The following MTAP variants were observed in gnomAD, a reference collection of about 807,000 sequenced individuals.
The protein encoded by MTAP is methylthioadenosine phosphorylase.
In MTAP, 33 loss-of-function variants were observed where a neutral mutation model predicts 33.6. The ratio of observed to expected loss-of-function variants is 0.98; its 90% CI spans 0.74 to 1.31. The LOEUF is 1.31. Among genes scored for constraint, MTAP ranks in the 40% most tolerant of loss-of-function variants. The pLI, the probability that MTAP is intolerant of heterozygous loss-of-function variation, is 0.00. For missense variants in MTAP, 367 were observed against 360.0 expected, an observed-to-expected ratio of 1.02 and a Z score of -0.16; for synonymous variants, 148 against 125.7, an observed-to-expected ratio of 1.18 and a Z score of -1.19.
chr9:21,940,113 C>A (rs763008820), downstream of MTAP, among the ~76,000 whole-genome samples: 1 of 152,072 alleles, frequency 6.6e-6, no homozygotes, highest in African/African-American at 2.4e-5. Context: ...CCTTAAGGAC[C>A]CTTAAGGAGA....
intron 1 of MTAP, among the ~76,000 whole-genome samples, chr9:21,812,990 C>T (rs1197430144): frequency 6.6e-6 from 1 of 152,216 alleles, no homozygotes; most frequent in Non-Finnish European, 1.5e-5. Context: ...TAAGGTAAGG[C>T]CACTGAAGCA....
chr9:21,825,935 T>C (rs545398465), intron 4 of MTAP, among the ~76,000 whole-genome samples: 1 of 145,632 alleles, frequency 6.9e-6, no homozygotes, highest in African/African-American at 2.7e-5. Context: ...CATTTATGTG[T>C]CTTCTTTTGA....
intron 4 of MTAP, 21 bp from the exon 5 acceptor site, chr9:21,837,887 C>G (rs753897605): frequency 1.9e-6 from 3 of 1,597,770 alleles, no homozygotes; most frequent in Middle Eastern, 1.7e-4. Context: ...AAACAAAAAC[C>G]TTTTTTGCTT....
intron 4 of MTAP, among the ~76,000 whole-genome samples, chr9:21,831,884 G>A (rs190636364): frequency 4.4e-3 from 670 of 152,118 alleles, no homozygotes; most frequent in South Asian, 6.7e-3. Flanking sequence ...ATAAAATGTG[G>A]CTAATAACAT....
At chr9:21,894,668 C>T (rs1420492413) in intron 1 of MTAP, among the ~76,000 whole-genome samples, 3 of 151,694 alleles carry the variant, frequency 2.0e-5, no homozygotes, top group Non-Finnish European at 4.4e-5. Context: ...ATGGGTGCAG[C>T]ACACCAATAT....
intron 1 of MTAP, chr9:21,929,902 C>G (rs970299017): frequency 2.7e-6 from 1 of 372,922 alleles, no homozygotes; most frequent in Non-Finnish European, 5.3e-6. Flanking sequence ...ATGTTACTCT[C>G]TCTGTAGATT....
intron 5 of MTAP, among the ~76,000 whole-genome samples, chr9:21,838,836 C>T (rs563505579): frequency 2.0e-5 from 3 of 152,280 alleles, no homozygotes; most frequent in East Asian, 1.9e-4. Context: ...TCAGAAGTAT[C>T]GTTAGAGATT....
intron 1 of MTAP, among the ~76,000 whole-genome samples, chr9:21,807,180 TAAC>T (rs1195918288): frequency 6.6e-6 from 1 of 152,076 alleles, no homozygotes; most frequent in Non-Finnish European, 1.5e-5. Context: ...ATAATAATAA[TAAC>T]AACAACTTGT....
At chr9:21,823,695 C>G (rs934281176) in intron 4 of MTAP, among the ~76,000 whole-genome samples, 6 of 152,172 alleles carry the variant, frequency 3.9e-5, no homozygotes, top group Admixed American at 1.3e-4. Context: ...TGGATAATAT[C>G]CTGCAGACTG....
At chr9:21,874,554 G>A (rs34452617) in intron 1 of MTAP, among the ~76,000 whole-genome samples, 9,725 of 152,122 alleles carry the variant, frequency 0.064, 440 homozygotes, top group South Asian at 0.2. Flanking sequence ...CAGAGACTTT[G>A]ATTGGTTGTT....
chr9:21,844,148 G>C (rs1398301223), intron 5 of MTAP, among the ~76,000 whole-genome samples: 1 of 151,964 alleles, frequency 6.6e-6, no homozygotes, highest in Non-Finnish European at 1.5e-5. Context: ...GTAAATTCTT[G>C]GAAATATACC....
At chr9:21,885,984 G>C (rs116434385) in intron 1 of MTAP, among the ~76,000 whole-genome samples, 2,244 of 152,036 alleles carry the variant, frequency 0.015, 56 homozygotes, top group African/African-American at 0.05. Flanking sequence ...CCCAGTCATG[G>C]GATTGCTGGA....
intron 1 of MTAP, among the ~76,000 whole-genome samples, chr9:21,812,779 G>T (rs577452861): frequency 1.3e-5 from 2 of 152,302 alleles, no homozygotes; most frequent in African/African-American, 2.4e-5. Context: ...TTCTAATAAG[G>T]TATAATGTTA....
At chr9:21,931,847 A>G (rs1271288964), downstream of MTAP, 1 of 152,042 alleles carries the variant, frequency 6.6e-6, no homozygotes, top group Non-Finnish European at 1.5e-5. Flanking sequence ...TCAGTCTTTC[A>G]CTCTGCCTTA....
chr9:21,823,014 A>G (rs1452161719), intron 4 of MTAP, among the ~76,000 whole-genome samples: 1 of 152,104 alleles, frequency 6.6e-6, no homozygotes, highest in Non-Finnish European at 1.5e-5. Flanking sequence ...TTTTGAGCCT[A>G]TGTGTGTCTC....
chr9:21,929,263 T>C (rs765113441), intron 1 of MTAP, among the ~76,000 whole-genome samples: 14 of 152,302 alleles, frequency 9.2e-5, no homozygotes, highest in Admixed American at 7.8e-4. Context: ...ATTCCTCTTT[T>C]AGTGAAAACA....
At chr9:21,902,319 A>G (rs1427966176) in intron 1 of MTAP, among the ~76,000 whole-genome samples, 4 of 152,210 alleles carry the variant, frequency 2.6e-5, no homozygotes. Flanking sequence ...CCCATCTGGT[A>G]GCATTTAGTT....
intron 1 of MTAP, among the ~76,000 whole-genome samples, chr9:21,912,819 C>A (rs1254330096): frequency 6.6e-5 from 10 of 152,114 alleles, no homozygotes; most frequent in Non-Finnish European, 1.5e-4. Context: ...AGGGTATTCA[C>A]TTAGGAAAAG....
At chr9:21,926,473 T>A (rs1818871045) in intron 1 of MTAP, among the ~76,000 whole-genome samples, 1 of 152,214 alleles carries the variant, frequency 6.6e-6, no homozygotes, top group Non-Finnish European at 1.5e-5. Context: ...CAGATGCTCA[T>A]TTGTTCTCAG....
Sources: allele counts gnomAD v4.1 joint callset (sites outside exome capture counted in the v4.1 genomes callset), GRCh38; gene constraint gnomAD v4.1.1; transcripts MANE v1.5; gene names NCBI Gene and HGNC (gene_info 2026-07-23, HGNC 2026-07-21).